The following SLC16A2 variants were observed in gnomAD, a reference collection of about 807,000 sequenced individuals.
The protein encoded by SLC16A2 is monocarboxylate transporter 8.
In SLC16A2, 3 loss-of-function variants were observed where a neutral mutation model predicts 27.2. The observed-to-expected ratio is 0.11, with a 90% CI of 0.05 to 0.28. The LOEUF is 0.28. SLC16A2 is among the 10% of genes least tolerant of loss of function. SLC16A2 has a pLI of 1.00. For synonymous variants in SLC16A2, 202 were observed against 187.8 expected (o/e 1.08, Z -0.62); for missense variants, 295 against 458.5 (o/e 0.64, Z 3.26).
intron 1 of SLC16A2, among the ~76,000 whole-genome samples, chrX:74,437,176 C>T (rs906739535): frequency 1.8e-5 from 2 of 110,700 alleles, no homozygotes; most frequent in Non-Finnish European, 3.8e-5. Context: ...TGGGACCTCC[C>T]ATCCTGTTAC....
At chrX:74,492,349 C>T (rs1321395727) in intron 1 of SLC16A2, among the ~76,000 whole-genome samples, 1 of 111,280 alleles carries the variant, frequency 9.0e-6, no homozygotes, top group Non-Finnish European at 1.9e-5. Flanking sequence ...GGGTAAAGTA[C>T]ATAAAGAGCT....
chrX:74,529,328 C>G lies in SLC16A2; in HGVS notation c.1286C>G (p.Thr429Ser). ...GGCCTTTGCGATGGCTTCTTCATCACCATCATGGCCCCCATTGCATTTGAG... is the reference window on the plus strand; with the variant it reads ...GGCCTTTGCGATGGCTTCTTCATCAGCATCATGGCCCCCATTGCATTTGAG... ...FLGLCDGFFITIMAPIAFELV... is the reference protein window; with the variant it reads ...FLGLCDGFFISIMAPIAFELV... The change falls in exon 5 of 6, where the codon ACC becomes AGC. Residue 429 changes from threonine (T) to serine (S), a missense_variant. By Grantham distance (58) the Thr-to-Ser change is moderately conservative. Coordinates refer to ENST00000587091, the MANE Select transcript of SLC16A2 (RefSeq NM_006517.5). 1 of 1,209,403 alleles carries G rather than the reference C, an allele frequency of 8.3e-7. No homozygotes were observed. Among genetic ancestry groups the G allele is most frequent in the East Asian group, 3.0e-5 (1 of 33,817 alleles).
At chrX:74,492,137 G>A (rs1358884625) in intron 1 of SLC16A2, among the ~76,000 whole-genome samples, 1 of 111,496 alleles carries the variant, frequency 9.0e-6, no homozygotes, top group Non-Finnish European at 1.9e-5. Flanking sequence ...GGATCAGAAG[G>A]GAGCAAGTGA....
chrX:74,444,762 A>G (rs1928809869), intron 1 of SLC16A2, among the ~76,000 whole-genome samples: 2 of 112,132 alleles, frequency 1.8e-5, no homozygotes, highest in Admixed American at 9.5e-5. Context: ...AGGAGTTGTT[A>G]TTGTTAATAT....
intron 1 of SLC16A2, among the ~76,000 whole-genome samples, chrX:74,511,636 A>G (rs1930236214): frequency 2.7e-5 from 3 of 112,593 alleles, no homozygotes. Flanking sequence ...TGGACTTTTA[A>G]AATAAAGATT....
At chrX:74,483,972 A>G (rs1036602492) in intron 1 of SLC16A2, among the ~76,000 whole-genome samples, 1 of 111,103 alleles carries the variant, frequency 9.0e-6, no homozygotes, top group Non-Finnish European at 1.9e-5. Flanking sequence ...GAGAGATTCC[A>G]GTAGACTACC....
intron 1 of SLC16A2, among the ~76,000 whole-genome samples, chrX:74,494,377 C>T (rs1213350527): frequency 9.0e-6 from 1 of 111,222 alleles, no homozygotes; most frequent in Non-Finnish European, 1.9e-5. Context: ...GCCAGTCACA[C>T]GTCATTGGAT....
chrX:74,509,025 C>T (rs1184263545), intron 1 of SLC16A2, among the ~76,000 whole-genome samples: 1 of 110,971 alleles, frequency 9.0e-6, no homozygotes, highest in African/African-American at 3.3e-5. Flanking sequence ...TGCAGTGGTG[C>T]GATCACACTC....
intron 1 of SLC16A2, among the ~76,000 whole-genome samples, chrX:74,474,935 A>T (rs1244484212): frequency 1.8e-5 from 2 of 111,038 alleles, no homozygotes; most frequent in African/African-American, 6.6e-5. Context: ...TGCCGCAATA[A>T]CCATACGTGT....
At chrX:74,491,109 G>C (rs1045902698) in intron 1 of SLC16A2, among the ~76,000 whole-genome samples, 3 of 111,714 alleles carry the variant, frequency 2.7e-5, no homozygotes, top group African/African-American at 9.8e-5. Context: ...TCAATGAAAA[G>C]AGTCAAACTC....
intron 1 of SLC16A2, among the ~76,000 whole-genome samples, chrX:74,428,952 C>T (rs755577622): frequency 3.6e-4 from 40 of 111,470 alleles, no homozygotes; most frequent in African/African-American, 1.3e-3. Flanking sequence ...TGGTAGCTTC[C>T]GTGTTTCTGG....
intron 1 of SLC16A2, among the ~76,000 whole-genome samples, chrX:74,456,106 C>T (rs1470724407): frequency 2.7e-5 from 3 of 111,911 alleles, no homozygotes; most frequent in Admixed American, 9.5e-5. Flanking sequence ...TGTTCTAATT[C>T]ATAAGTAGGG....
In SLC16A2 at chrX:74,533,654, C is replaced by G. The variant is rs754936325; in HGVS notation, c.*2101C>G. On this transcript the variant is annotated 3_prime_UTR_variant, in exon 6 of 6. Transcript: ENST00000587091. ...AGATGAAGGGAAGACATTCATAGGTCCCAAATCTGCCCATTCAGATGTCAC... is the reference window on the plus strand; with the variant it reads ...AGATGAAGGGAAGACATTCATAGGTGCCAAATCTGCCCATTCAGATGTCAC... 1.8e-5 allele frequency: 2 copies of G among 112,717 alleles called. No individual in the cohort carries two copies. Among genetic ancestry groups the G allele is most frequent in the South Asian group, 7.4e-4 (2 of 2,719 alleles). The allele number at this position is 112,717 out of a possible 1,213,427, so 9.3% of individuals were successfully genotyped here. A position where few individuals can be genotyped will look rare whatever the true frequency, so the allele number is the denominator to read the frequency against.
In SLC16A2 at chrX:74,532,103, A is replaced by G. The variant is rs1414162587; in HGVS notation, c.*550A>G. The stretch of plus-strand genomic sequence containing the variant: ...TGGGTACAAGCAGTGCCCTTATTGT[A>G]TGGTTGGTTAACAGTCTGCTCCCCT... On this transcript the variant is annotated 3_prime_UTR_variant, in exon 6 of 6. Transcript: ENST00000587091. 1.5e-5 allele frequency: 2 copies of G among 129,308 alleles called. No homozygotes were observed. Among genetic ancestry groups the G allele is most frequent in the African/African-American group, 3.2e-5 (1 of 31,226 alleles). The allele number at this position is 129,308 out of a possible 1,213,427, so 10.7% of individuals were successfully genotyped here.
chrX:74,479,063 A>T (rs1402529314), intron 1 of SLC16A2, among the ~76,000 whole-genome samples: 4 of 111,865 alleles, frequency 3.6e-5, no homozygotes, highest in Admixed American at 1.9e-4. Context: ...CTCCTGGATA[A>T]TATCCGGCAG....
intron 1 of SLC16A2, among the ~76,000 whole-genome samples, chrX:74,477,705 A>T (rs1457064622): frequency 1.8e-5 from 2 of 112,060 alleles, no homozygotes; most frequent in Non-Finnish European, 3.8e-5. Flanking sequence ...GGTTTCCAAG[A>T]ACATCTTTAT....
At chrX:74,509,267 T>C (rs1371605188) in intron 1 of SLC16A2, among the ~76,000 whole-genome samples, 1 of 111,466 alleles carries the variant, frequency 9.0e-6, no homozygotes, top group Non-Finnish European at 1.9e-5. Flanking sequence ...CCTGGCACCC[T>C]ATTCCTAACC....
intron 1 of SLC16A2, among the ~76,000 whole-genome samples, chrX:74,510,058 G>C (rs1037297572): frequency 8.9e-6 from 1 of 112,145 alleles, no homozygotes; most frequent in African/African-American, 3.2e-5. Flanking sequence ...AGTTTGTGTA[G>C]AACTGGTATT....
intron 1 of SLC16A2, among the ~76,000 whole-genome samples, chrX:74,455,508 CATGAAGAAGCA>C (rs1288238154): frequency 9.0e-6 from 1 of 111,067 alleles, no homozygotes; most frequent in African/African-American, 3.3e-5. Flanking sequence ...TGCTGATGTC[CATGAAGAAGCA>C]ATGAAGAATG....
Sources: gnomAD v4.1 joint callset for allele counts (sites outside exome capture counted in the v4.1 genomes callset) on GRCh38, gnomAD v4.1.1 for gene constraint, MANE v1.5 for transcripts, NCBI Gene and HGNC (gene_info 2026-07-23, HGNC 2026-07-21) for gene names.